The following BBS9 variants were observed in gnomAD, a reference collection of about 807,000 sequenced individuals.
BBS9 encodes protein PTHB1.
A neutral mutation model predicts 117.7 loss-of-function variants in BBS9; 89 were observed. That is an observed-to-expected ratio of 0.76 (90% CI 0.64 to 0.90). The LOEUF is 0.90. BBS9 is among the 40% of genes least tolerant of loss of function. The probability of loss-of-function intolerance (pLI) is 0.00; values close to 1 mark genes in which losing one functional copy is unlikely to be tolerated. For synonymous variants in BBS9, 379 were observed against 370.9 expected, an observed-to-expected ratio of 1.02 and a Z score of -0.25; for missense variants, 982 against 1,042.2, an observed-to-expected ratio of 0.94 and a Z score of 0.80.
At chr7:33,632,090 G>A (rs1445558710) in intron 21 of BBS9, among the ~76,000 whole-genome samples, 2 of 152,196 alleles carry the variant, frequency 1.3e-5, no homozygotes, top group African/African-American at 4.8e-5. Context: ...GGTGTGCCAG[G>A]AATGTAATGG....
At chr7:33,177,616 T>C (rs779028713) in intron 5 of BBS9, 25 bp downstream of exon 5, 1 of 1,449,712 alleles carries the variant, frequency 6.9e-7, no homozygotes, top group Non-Finnish European at 9.7e-7. Flanking sequence ...ATCATGAGTA[T>C]GCTATTTCAA....
chr7:33,179,619 T>C (rs1312338731), intron 5 of BBS9, among the ~76,000 whole-genome samples: 1 of 152,082 alleles, frequency 6.6e-6, no homozygotes, highest in African/African-American at 2.4e-5. Context: ...GCTCAGGGCT[T>C]CTACTGATCC....
chr7:33,513,887 A>G (rs1847336420), intron 20 of BBS9, among the ~76,000 whole-genome samples: 1 of 152,220 alleles, frequency 6.6e-6, no homozygotes, highest in Non-Finnish European at 1.5e-5. Flanking sequence ...AAATCGACAT[A>G]CCCACTTATT....
At chr7:33,623,878 T>C (rs1484476063) in intron 21 of BBS9, among the ~76,000 whole-genome samples, 1 of 152,194 alleles carries the variant, frequency 6.6e-6, no homozygotes, top group African/African-American at 2.4e-5. Flanking sequence ...AAATTGAGGT[T>C]ACTTCTTGGA....
chr7:33,209,866 C>T (rs1787679213), intron 5 of BBS9, among the ~76,000 whole-genome samples: 1 of 152,046 alleles, frequency 6.6e-6, no homozygotes, highest in African/African-American at 2.4e-5. Context: ...ATCCTTTCTA[C>T]TGTTTTGTTA....
At position 33,443,287 on chromosome 7, in the gene BBS9, A is replaced by G. The variant is rs75094831; in HGVS notation, c.2115+55143A>G. Among the ~76,000 whole-genome samples, 7 of 152,310 alleles carry G rather than the reference A, an allele frequency of 4.6e-5. No homozygotes were observed. In the East Asian group the frequency reaches 1.4e-3, roughly 29 times the overall value. ...AAATGGAAAAGGAGACTTGCTTGTC[A>G]TTATGTCTGCTTGTTCATAAAGAGA... On this transcript the variant is annotated intron_variant, in intron 19 of 22. Transcript: ENST00000242067.
chr7:33,408,063 G>A (rs1306185382), intron 19 of BBS9, among the ~76,000 whole-genome samples: 2 of 152,248 alleles, frequency 1.3e-5, no homozygotes, highest in Non-Finnish European at 2.9e-5. Context: ...AGGCAGGCAG[G>A]CCTCCTGGAG....
chr7:33,203,411 C>G (rs536330131), intron 5 of BBS9, among the ~76,000 whole-genome samples: 2 of 152,108 alleles, frequency 1.3e-5, no homozygotes, highest in Non-Finnish European at 2.9e-5. Context: ...ATACTACTGG[C>G]GTGGGGAACC....
chr7:33,595,517 T>C (rs780900565), intron 21 of BBS9, among the ~76,000 whole-genome samples: 3 of 152,184 alleles, frequency 2.0e-5, no homozygotes, highest in Admixed American at 6.5e-5. Context: ...ATGGCAATTA[T>C]TAAAAAGTCA....
intron 21 of BBS9, among the ~76,000 whole-genome samples, chr7:33,556,986 G>T (rs563331009): frequency 6.6e-6 from 1 of 152,198 alleles, no homozygotes; most frequent in Non-Finnish European, 1.5e-5. Flanking sequence ...TCTTTATCTG[G>T]CTCATCAGTT....
intron 9 of BBS9, among the ~76,000 whole-genome samples, chr7:33,282,408 T>C (rs1338956060): frequency 6.6e-6 from 1 of 152,172 alleles, no homozygotes; most frequent in Non-Finnish European, 1.5e-5. Context: ...AGTCTCACTC[T>C]GTTGCCCAGA....
intron 21 of BBS9, among the ~76,000 whole-genome samples, chr7:33,542,788 T>G (rs539426172): frequency 4.5e-4 from 48 of 107,472 alleles, no homozygotes; most frequent in Non-Finnish European, 7.3e-4. Flanking sequence ...TATATATATA[T>G]GTACACACAC....
rs772575725 is a variant in BBS9, at chr7:33,257,261, T to A, written c.468T>A (p.Ser156=). ...GTCGAGATTTAATTTGCATCCAGTC[T>A]ATGGATGGGATGCTGATGGTATTTG... ...VKGRDLICIQ[S]MDGMLMVFEQ... The change falls in exon 6 of 23, where the codon TCT becomes TCA. Residue 156 remains serine, a synonymous_variant. Coordinates refer to ENST00000242067, the MANE Select transcript of BBS9 (RefSeq NM_198428.3). 1.2e-5 allele frequency: 19 copies of A among 1,612,686 alleles called. No homozygotes were observed. The highest frequency in any genetic ancestry group is 1.5e-5 in the Non-Finnish European group (18 of 1,178,848).
At chr7:33,348,798 T>C (rs1386390348) in intron 12 of BBS9, among the ~76,000 whole-genome samples, 2 of 152,176 alleles carry the variant, frequency 1.3e-5, no homozygotes, top group Non-Finnish European at 2.9e-5. Flanking sequence ...TTAGTTTGTA[T>C]CTCCTTCATA....
chr7:33,546,697 T>A (rs2129082135), intron 21 of BBS9, among the ~76,000 whole-genome samples: 1 of 152,342 alleles, frequency 6.6e-6, no homozygotes, highest in Non-Finnish European at 1.5e-5. Flanking sequence ...TCCCTTGGCC[T>A]GGAGAGGCAG....
Position 33,294,359 on chromosome 7 carries a change from GTCCATCCA to G in BBS9, c.1016+20440_1016+20447del, listed in dbSNP as rs111245225. On this transcript the variant is annotated intron_variant, in intron 9 of 22. Transcript: ENST00000242067. ...TATCTATCTATCTATCTATCTCTTT[GTCCATCCA>G]TCCATCCATCCATCCATCCATCCAT... is the stretch of plus-strand genomic sequence containing the variant. 9.1e-4 allele frequency among the ~76,000 whole-genome samples: 127 copies of G among 139,810 alleles called. 1 individual carries two copies. Among genetic ancestry groups the G allele is most frequent in the South Asian group, 4.0e-3 (17 of 4,242 alleles). The allele number at this position is 139,810 out of a possible 152,430, so 91.7% of individuals were successfully genotyped here.
At chr7:33,434,930 A>G (rs1244720388) in intron 19 of BBS9, among the ~76,000 whole-genome samples, 1 of 152,144 alleles carries the variant, frequency 6.6e-6, no homozygotes, top group Non-Finnish European at 1.5e-5. Flanking sequence ...AAATGTTTAA[A>G]TTAAAGTATT....
At chr7:33,417,096 C>T (rs1470882064) in intron 19 of BBS9, among the ~76,000 whole-genome samples, 5 of 152,170 alleles carry the variant, frequency 3.3e-5, no homozygotes, top group African/African-American at 9.7e-5. Flanking sequence ...ATAGACACTA[C>T]GTTTTAACAA....
chr7:33,352,641 T>C (rs1818877706), intron 14 of BBS9, among the ~76,000 whole-genome samples: 1 of 152,156 alleles, frequency 6.6e-6, no homozygotes, highest in Admixed American at 6.5e-5. Context: ...AGAATGGAAA[T>C]ATAAATAAAT....
Sources: allele counts gnomAD v4.1 joint callset (sites outside exome capture counted in the v4.1 genomes callset), GRCh38; gene constraint gnomAD v4.1.1; transcripts MANE v1.5; gene names NCBI Gene and HGNC (gene_info 2026-07-23, HGNC 2026-07-21).